The following TWSG1 variants were observed in gnomAD, a reference collection of about 807,000 sequenced individuals.
TWSG1 encodes twisted gastrulation BMP signaling modulator 1.
Under a neutral mutation model 23.0 loss-of-function variants are expected in TWSG1, and 15 were observed. That is an observed-to-expected ratio of 0.65 (90% confidence interval 0.44 to 1.00). The LOEUF is 1.00. TWSG1 is among the 50% of genes least tolerant of loss of function. The pLI is 0.00. For missense variants in TWSG1, 242 were observed against 278.7 expected (o/e 0.87, Z 0.94); for synonymous variants, 86 against 92.8 (o/e 0.93, Z 0.42).
chr18:9,372,055 G>A (rs184171340), intron 3 of TWSG1, among the ~76,000 whole-genome samples: 183 of 152,050 alleles, frequency 1.2e-3, no homozygotes, highest in Non-Finnish European at 2.2e-3. Flanking sequence ...GTGAGCCATC[G>A]CGCCTGGCCA....
chr18:9,339,312 G>A (rs558886166), intron 2 of TWSG1, among the ~76,000 whole-genome samples: 5 of 151,878 alleles, frequency 3.3e-5, no homozygotes, highest in Admixed American at 6.5e-5. Flanking sequence ...AGGTTTTTTT[G>A]TTTGTTTGAC....
At chr18:9,348,718 T>C (rs1598821857) in intron 2 of TWSG1, among the ~76,000 whole-genome samples, 2 of 152,310 alleles carry the variant, frequency 1.3e-5, no homozygotes, top group African/African-American at 4.8e-5. Context: ...GGAAGATAAG[T>C]ACTTTAAGAA....
At chr18:9,382,124 C>T (rs2040659510) in intron 3 of TWSG1, among the ~76,000 whole-genome samples, 1 of 148,416 alleles carries the variant, frequency 6.7e-6, no homozygotes, top group Admixed American at 6.8e-5. Flanking sequence ...CTTACATGAA[C>T]CATACATCTC....
At chr18:9,390,351 C>A (rs575771573) in intron 3 of TWSG1, among the ~76,000 whole-genome samples, 1 of 152,096 alleles carries the variant, frequency 6.6e-6, no homozygotes, top group African/African-American at 2.4e-5. Context: ...TTAGTAGAGA[C>A]GGGGTTTCAC....
intron 2 of TWSG1, among the ~76,000 whole-genome samples, chr18:9,354,708 G>T (rs2145602948): frequency 1.3e-5 from 2 of 152,220 alleles, no homozygotes; most frequent in South Asian, 4.2e-4. Context: ...GATTTTTTAT[G>T]ATAGAGAAAT....
At chr18:9,376,241 G>C (rs748046236) in intron 3 of TWSG1, among the ~76,000 whole-genome samples, 4 of 152,140 alleles carry the variant, frequency 2.6e-5, no homozygotes, top group Non-Finnish European at 5.9e-5. Flanking sequence ...TAATGCAATT[G>C]CAATAAAAAT....
At chr18:9,353,945 T>G (rs1000550581) in intron 2 of TWSG1, among the ~76,000 whole-genome samples, 2 of 152,206 alleles carry the variant, frequency 1.3e-5, no homozygotes, top group South Asian at 4.1e-4. Flanking sequence ...ATGATTAAAC[T>G]TGGGCAATAG....
chr18:9,393,044 T>C lies in TWSG1; in HGVS notation c.224-3236T>C, dbSNP rs115881348. 9.9e-3 allele frequency among the ~76,000 whole-genome samples: 1,507 copies of C among 152,298 alleles called. 27 individuals are homozygous for C. The highest frequency in any genetic ancestry group is 0.033 in the African/African-American group (1,381 of 41,568). On this transcript the variant is annotated intron_variant, in intron 3 of 4. Coordinates refer to ENST00000262120, the MANE Select transcript of TWSG1 (RefSeq NM_020648.6). ...AGTAATCACAGATCGCCATAACTGT[T>C]ATAATAATAATGAAATGTTTGAAAT...
intron 4 of TWSG1, among the ~76,000 whole-genome samples, chr18:9,398,442 GTTTT>G (rs1451240756): frequency 2.0e-5 from 3 of 150,324 alleles, no homozygotes; most frequent in Non-Finnish European, 2.9e-5. Flanking sequence ...GCATTTGCAG[GTTTT>G]TGTTTGTTTG....
chr18:9,335,597 A>AT, intron 1 of TWSG1, among the ~76,000 whole-genome samples: 1 of 152,340 alleles, frequency 6.6e-6, no homozygotes, highest in East Asian at 1.9e-4. Context: ...TAGTCTCCAA[A>AT]TAACCTTATT....
chr18:9,361,119 C>T (rs980986592), intron 3 of TWSG1, among the ~76,000 whole-genome samples: 14 of 152,076 alleles, frequency 9.2e-5, no homozygotes, highest in African/African-American at 3.4e-4. Flanking sequence ...TGAGTTATCC[C>T]ATTATCTGTC....
At chr18:9,377,945 T>G (rs34440462) in intron 3 of TWSG1, among the ~76,000 whole-genome samples, 57,960 of 151,642 alleles carry the variant, frequency 0.38, 12,321 homozygotes, top group Non-Finnish European at 0.46. Context: ...TCTTGAACTC[T>G]TAAGCTCAAG....
intron 3 of TWSG1, among the ~76,000 whole-genome samples, chr18:9,385,336 G>A (rs1465667987): frequency 3.9e-5 from 6 of 152,276 alleles, no homozygotes. Flanking sequence ...TTGTAGGGAG[G>A]GAAGGTGTCT....
At chr18:9,387,655 A>G (rs1352672825) in intron 3 of TWSG1, among the ~76,000 whole-genome samples, 3 of 151,878 alleles carry the variant, frequency 2.0e-5, no homozygotes, top group Non-Finnish European at 4.4e-5. Context: ...CTGTAGTCCC[A>G]GCTACTTGGG....
chr18:9,360,040 G>A lies in TWSG1; in HGVS notation c.192G>A (p.Gly64=). The A allele has an allele frequency of 6.2e-7, 1 of 1,613,542 alleles. No individual in the cohort carries two copies. The highest frequency in any genetic ancestry group is 8.5e-7 in the Non-Finnish European group (1 of 1,179,668). ...SCCKECMLCL[G]ALWDECCDCV... The stretch of plus-strand genomic sequence containing the variant: ...GTAAGGAGTGCATGCTGTGTCTTGG[G>A]GCCCTTTGGGACGAGTGCTGTGACT... Residue 64 remains glycine, a synonymous_variant, in exon 3 of 5, where the codon GGG becomes GGA. Coordinates refer to ENST00000262120, the MANE Select transcript of TWSG1 (RefSeq NM_020648.6).
Position 9,337,359 on chromosome 18 carries a change from C to G in TWSG1, c.123+7C>G. 1 of 1,611,760 alleles carries G rather than the reference C, an allele frequency of 6.2e-7. No homozygotes were observed. Among genetic ancestry groups the G allele is most frequent in the Non-Finnish European group, 8.5e-7 (1 of 1,179,308 alleles). ...GAGCAAATGCCTCATTCAGGTAGGACTAAGAGTACTTTTATTAATATCAAA... is the reference window on the plus strand; with the variant it reads ...GAGCAAATGCCTCATTCAGGTAGGAGTAAGAGTACTTTTATTAATATCAAA... On this transcript the variant is annotated splice_region_variant and intron_variant, in intron 2 of 4. Coordinates refer to ENST00000262120, the MANE Select transcript of TWSG1 (RefSeq NM_020648.6).
At chr18:9,375,406 G>A (rs2040625445) in intron 3 of TWSG1, among the ~76,000 whole-genome samples, 1 of 152,136 alleles carries the variant, frequency 6.6e-6, no homozygotes, top group African/African-American at 2.4e-5. Flanking sequence ...GAAACTGGAA[G>A]CTTTCCCACT....
rs1051893636 is a variant in TWSG1 at position 9,347,726 on chromosome 18, G to C, written c.123+10374G>C. On this transcript the variant is annotated intron_variant, in intron 2 of 4. Transcript: ENST00000262120. ...GGGAAATTTCCTGACCTTACCTTTG[G>C]ACTCTTTCTATTGAATTTTTTAATT... Among the ~76,000 whole-genome samples, 3 of 151,728 alleles carry C rather than the reference G, an allele frequency of 2.0e-5. No homozygotes were observed. In the East Asian group the frequency reaches 5.8e-4, roughly 29 times the overall value.
At chr18:9,358,910 A>G (rs991979062) in intron 2 of TWSG1, among the ~76,000 whole-genome samples, 3 of 152,186 alleles carry the variant, frequency 2.0e-5, no homozygotes, top group South Asian at 2.1e-4. Flanking sequence ...AGGGAAAGCA[A>G]GTAATCAGTG....
Sources: gnomAD v4.1 joint callset for allele counts (sites outside exome capture counted in the v4.1 genomes callset) on GRCh38, gnomAD v4.1.1 for gene constraint, MANE v1.5 for transcripts, NCBI Gene and HGNC (gene_info 2026-07-23, HGNC 2026-07-21) for gene names.